The following RBM47 variants were observed in gnomAD, a reference collection of about 807,000 sequenced individuals.
The protein encoded by RBM47 is RNA binding motif protein 47.
A neutral mutation model predicts 47.1 loss-of-function variants in RBM47; 21 were observed. The ratio of observed to expected loss-of-function variants is 0.45; its 90% CI spans 0.32 to 0.64. RBM47 has a LOEUF of 0.64. Among genes scored for constraint, RBM47 ranks in the 30% least tolerant of loss-of-function variants. The pLI is 0.05. For missense variants in RBM47, 708 were observed against 870.9 expected (o/e 0.81, Z 2.35); for synonymous variants, 375 against 361.7 (o/e 1.04, Z -0.42).
At chr4:40,528,942 CAAA>C (rs201660719) in intron 2 of RBM47, among the ~76,000 whole-genome samples, 28,704 of 140,348 alleles carry the variant, frequency 0.2, 3,273 homozygotes, top group African/African-American at 0.28. Flanking sequence ...GACTCCGTCT[CAAA>C]AAAAAAATAA....
intron 2 of RBM47, among the ~76,000 whole-genome samples, chr4:40,525,050 C>A (rs2334211): frequency 0.022 from 3,382 of 152,282 alleles, 136 homozygotes; most frequent in African/African-American, 0.077. Context: ...ATGAATTTCA[C>A]TGTGTTACAT....
chr4:40,516,074 CTTT>C (rs1725531227), intron 2 of RBM47: 1 of 152,220 alleles, frequency 6.6e-6, no homozygotes, highest in Non-Finnish European at 1.5e-5. Flanking sequence ...CTGTCAGCTC[CTTT>C]TGCTTTCACA....
intron 3 of RBM47, among the ~76,000 whole-genome samples, chr4:40,457,157 C>T (rs779589290): frequency 2.7e-4 from 41 of 151,462 alleles, no homozygotes; most frequent in South Asian, 1.5e-3. Context: ...TGGTGGCTCA[C>T]GCCTGTAATC....
intron 1 of RBM47, among the ~76,000 whole-genome samples, chr4:40,578,223 C>T (rs1450437399): frequency 1.3e-5 from 2 of 152,176 alleles, no homozygotes; most frequent in East Asian, 3.8e-4. Flanking sequence ...TGCTTTAATC[C>T]TTAAAGTAAT....
At chr4:40,524,542 C>T (rs989623609) in intron 2 of RBM47, among the ~76,000 whole-genome samples, 12 of 152,146 alleles carry the variant, frequency 7.9e-5, no homozygotes, top group Admixed American at 6.6e-4. Context: ...GCTGGAAGTG[C>T]CGTGTGTGTC....
At chr4:40,548,485 G>A (rs1418594909) in intron 1 of RBM47, among the ~76,000 whole-genome samples, 1 of 152,220 alleles carries the variant, frequency 6.6e-6, no homozygotes, top group Non-Finnish European at 1.5e-5. Context: ...CCACAATGCA[G>A]AGGAGGGCTA....
chr4:40,490,652 G>A (rs369310850), intron 2 of RBM47, among the ~76,000 whole-genome samples: 5 of 152,012 alleles, frequency 3.3e-5, no homozygotes, highest in East Asian at 3.9e-4. Context: ...GCGCCTGGCC[G>A]AGACATAAGA....
intron 1 of RBM47, among the ~76,000 whole-genome samples, chr4:40,548,902 G>A (rs1459530235): frequency 6.6e-6 from 1 of 152,158 alleles, no homozygotes; most frequent in Non-Finnish European, 1.5e-5. Flanking sequence ...CTGAGCTCAA[G>A]TGATCCGCCC....
rs1271185505 is a variant in RBM47, at chr4:40,487,005, C to A, written c.-154-20306G>T. ...TTTATTTTGGATCCTAAAGTCAAGGCCAGTATTTCTTTAAGACTTACTTAA... is the reference window on the plus strand; with the variant it reads ...TTTATTTTGGATCCTAAAGTCAAGGACAGTATTTCTTTAAGACTTACTTAA... On this transcript the variant is annotated intron_variant, in intron 2 of 6. Coordinates refer to ENST00000295971, the MANE Select transcript of RBM47 (RefSeq NM_001098634.2). Among the ~76,000 whole-genome samples, 15 of 152,098 alleles carry A rather than the reference C, an allele frequency of 9.9e-5. No homozygotes were observed. In the East Asian group the frequency reaches 2.9e-3, roughly 29 times the overall value.
chr4:40,627,683 T>G lies in RBM47; in HGVS notation c.-240+1713A>C, dbSNP rs139796108. Among the ~76,000 whole-genome samples the G allele has an allele frequency of 2.8e-3, 434 of 152,296 alleles. 1 individual carries two copies. The highest frequency in any genetic ancestry group is 0.01 in the African/African-American group (417 of 41,564). The stretch of plus-strand genomic sequence containing the variant: ...CCAAATAGTCTAATATGAATGTTCT[T>G]ATCATGTGAGGAAAAAAATGAGTAG... On this transcript the variant is annotated intron_variant, in intron 1 of 6. Coordinates refer to ENST00000295971, the MANE Select transcript of RBM47 (RefSeq NM_001098634.2).
intron 1 of RBM47, among the ~76,000 whole-genome samples, chr4:40,621,727 T>G (rs1472603527): frequency 2.0e-5 from 3 of 152,194 alleles, no homozygotes; most frequent in Admixed American, 2.0e-4. Flanking sequence ...GGCATGCGAT[T>G]CACAAAATGG....
At chr4:40,599,905 C>T (rs1735090900) in intron 1 of RBM47, among the ~76,000 whole-genome samples, 1 of 152,146 alleles carries the variant, frequency 6.6e-6, no homozygotes, top group African/African-American at 2.4e-5. Context: ...TGTTGTACAT[C>T]AAGAGATAAC....
intron 1 of RBM47, among the ~76,000 whole-genome samples, chr4:40,559,856 C>T (rs1018067182): frequency 1.3e-4 from 20 of 152,174 alleles, no homozygotes; most frequent in African/African-American, 4.3e-4. Context: ...GCACAACAAA[C>T]TGCAAATGAA....
At chr4:40,607,893 TCAAGAGTTGAAGACCAGCCTGGGCAA>T (rs1404201673) in intron 1 of RBM47, among the ~76,000 whole-genome samples, 1 of 152,038 alleles carries the variant, frequency 6.6e-6, no homozygotes, top group Non-Finnish European at 1.5e-5. Context: ...TTGCCTGTGT[TCAAGAGTTGAAGACCAGCCTGGGCAA>T]CATGGTGAAA....
chr4:40,579,423 G>GAAA (rs10653342), intron 1 of RBM47, among the ~76,000 whole-genome samples: 1,333 of 101,990 alleles, frequency 0.013, 76 homozygotes, highest in African/African-American at 0.042. Flanking sequence ...CCCTGTCTCA[G>GAAA]AAAAAAAAAA....
chr4:40,550,869 T>C (rs1729497599), intron 1 of RBM47, among the ~76,000 whole-genome samples: 1 of 151,676 alleles, frequency 6.6e-6, no homozygotes, highest in South Asian at 2.1e-4. Context: ...ATTTCCAAAA[T>C]CATTCTCTCT....
At chr4:40,489,097 C>G (rs1166563248) in intron 2 of RBM47, among the ~76,000 whole-genome samples, 1 of 152,172 alleles carries the variant, frequency 6.6e-6, no homozygotes, top group Non-Finnish European at 1.5e-5. Context: ...TGTATGCCCC[C>G]CTCATGTATT....
chr4:40,513,748 C>T (rs946337968), intron 2 of RBM47, among the ~76,000 whole-genome samples: 7 of 150,722 alleles, frequency 4.6e-5, no homozygotes, highest in Non-Finnish European at 7.4e-5. Context: ...GACGGAGTTT[C>T]GCTCTTGTCA....
intron 1 of RBM47, among the ~76,000 whole-genome samples, chr4:40,610,098 AAAACAAAC>A (rs569498014): frequency 3.3e-5 from 5 of 151,936 alleles, no homozygotes; most frequent in African/African-American, 7.3e-5. Flanking sequence ...TCTCAAAATA[AAAACAAAC>A]AAACAAACAA....
Sources: allele counts gnomAD v4.1 joint callset (sites outside exome capture counted in the v4.1 genomes callset), GRCh38; gene constraint gnomAD v4.1.1; transcripts MANE v1.5; gene names NCBI Gene and HGNC (gene_info 2026-07-23, HGNC 2026-07-21).